The following PRMT8 variants were observed in gnomAD, a reference collection of about 807,000 sequenced individuals.
PRMT8 encodes the protein protein arginine methyltransferase 8.
A neutral mutation model predicts 47.1 loss-of-function variants in PRMT8; 7 were observed. That is an observed-to-expected ratio of 0.15 (90% CI 0.08 to 0.28). PRMT8 has a LOEUF of 0.28. Among genes scored for constraint, PRMT8 ranks in the 10% least tolerant of loss-of-function variants. The pLI is 1.00. For missense variants in PRMT8, 237 were observed against 505.4 expected (o/e 0.47, Z 5.09); for synonymous variants, 188 against 186.5 (o/e 1.01, Z -0.07).
intron 1 of PRMT8, among the ~76,000 whole-genome samples, chr12:3,533,888 AG>A (rs1866074367): frequency 6.6e-6 from 1 of 152,258 alleles, no homozygotes; most frequent in Non-Finnish European, 1.5e-5. Context: ...ATCTAAAGGC[AG>A]GCAGATGGTT....
intron 8 of PRMT8, among the ~76,000 whole-genome samples, chr12:3,587,199 T>G (rs1029454883): frequency 6.7e-6 from 1 of 148,242 alleles, no homozygotes; most frequent in Non-Finnish European, 1.5e-5. Context: ...TTATATTATA[T>G]ATTAATATAA....
At chr12:3,437,357 T>C (rs1004402874) in intron 1 of PRMT8, among the ~76,000 whole-genome samples, 21 of 152,082 alleles carry the variant, frequency 1.4e-4, no homozygotes, top group Non-Finnish European at 2.5e-4. Flanking sequence ...GTTTTATATA[T>C]TTTATTTTAT....
At chr12:3,528,538 T>A (rs1865978749) in intron 1 of PRMT8, among the ~76,000 whole-genome samples, 1 of 152,184 alleles carries the variant, frequency 6.6e-6, no homozygotes, top group South Asian at 2.1e-4. Flanking sequence ...CTTAACATGC[T>A]CAATCTTTCC....
rs138015342 is a variant in PRMT8 at position 3,387,450 on chromosome 12, C to G, written c.48+6008C>G. Among the ~76,000 whole-genome samples the G allele has an allele frequency of 2.0e-3, 311 of 152,316 alleles. 2 individuals are homozygous for G. Among genetic ancestry groups the G allele is most frequent in the African/African-American group, 7.2e-3 (298 of 41,566 alleles). On this transcript the variant is annotated intron_variant, in intron 1 of 9. Transcript: ENST00000452611. ...TTTTCTTGGTATTTCACATATGGCT[C>G]TGATGTCTCCCTGCTTTGTAGATGG... is the stretch of plus-strand genomic sequence containing the variant.
chr12:3,568,612 G>T, intron 4 of PRMT8, 94 bp from the exon 5 acceptor site: 1 of 1,416,664 alleles, frequency 7.1e-7, no homozygotes, highest in Non-Finnish European at 9.8e-7. Flanking sequence ...ATCAGAATAG[G>T]GCTGAAACCT....
rs904422382 is a variant in PRMT8 at position 3,514,481 on chromosome 12, T to A, written c.75+22781T>A. Among the ~76,000 whole-genome samples, 24 of 152,194 alleles carry A rather than the reference T, an allele frequency of 1.6e-4. No individual in the cohort carries two copies. The highest frequency in any genetic ancestry group is 5.8e-4 in the African/African-American group (24 of 41,446). ...TCTCCAAATCCATCCGTACTTCCAC[T>A]GAAGATGTCCAATATAAGCGGGTCA... On this transcript the variant is annotated intron_variant, in intron 1 of 9. Transcript: ENST00000382622. This position sits in a 1 kb window ranked among gnomAD's most constrained non-coding sequence, Gnocchi z 5.9.
Position 3,570,206 on chromosome 12 carries a change from A to G in PRMT8, c.712+642A>G, listed in dbSNP as rs1046142796. The stretch of plus-strand genomic sequence containing the variant: ...AGGCGTGTGTGGTTCTCTGAGAACA[A>G]TAAAGCCAAAAAACTTCTCCTCCCC... On this transcript the variant is annotated intron_variant, in intron 6 of 9. Coordinates refer to ENST00000382622, the MANE Select transcript of PRMT8 (RefSeq NM_019854.5). The surrounding 1 kb of genome is among the most constrained non-coding windows in gnomAD (Gnocchi z 5.5). Among the ~76,000 whole-genome samples, 1 of 152,184 alleles carries G rather than the reference A, an allele frequency of 6.6e-6. No individual in the cohort carries two copies. Among genetic ancestry groups the G allele is most frequent in the Non-Finnish European group, 1.5e-5 (1 of 68,028 alleles).
At position 3,535,000 on chromosome 12, in the gene PRMT8, G is replaced by C. The variant is rs139271218; in HGVS notation, c.76-5606G>C. Among the ~76,000 whole-genome samples, 470 of 152,350 alleles carry C rather than the reference G, an allele frequency of 3.1e-3. 2 individuals carry two copies. Among genetic ancestry groups the C allele is most frequent in the African/African-American group, 0.011 (453 of 41,580 alleles). ...GGTGTCTATCTATAAAGTGCTTGGC[G>C]CAGCGCCTGGGGCGCAGTGGGCCCT... On this transcript the variant is annotated intron_variant, in intron 1 of 9. Transcript: ENST00000382622.
chr12:3,408,172 T>TTTCC (rs545298976), intron 1 of PRMT8, among the ~76,000 whole-genome samples: 36 of 151,216 alleles, frequency 2.4e-4, no homozygotes, highest in Non-Finnish European at 3.4e-4. Context: ...TCTTTCTTTC[T>TTTCC]TTCCTTCCTT....
intron 1 of PRMT8, among the ~76,000 whole-genome samples, chr12:3,411,455 C>T (rs1864428789): frequency 6.6e-6 from 1 of 152,176 alleles, no homozygotes; most frequent in African/African-American, 2.4e-5. Flanking sequence ...TCAGCCCCAA[C>T]CTAGCCAGTA....
chr12:3,437,114 C>T (rs1864751980), intron 1 of PRMT8, among the ~76,000 whole-genome samples: 1 of 152,148 alleles, frequency 6.6e-6, no homozygotes, highest in Non-Finnish European at 1.5e-5. Context: ...CTGGGGTATC[C>T]AACACTGAGT....
chr12:3,568,002 G>C (rs930449276), intron 4 of PRMT8, among the ~76,000 whole-genome samples: 10 of 151,804 alleles, frequency 6.6e-5, no homozygotes, highest in African/African-American at 1.9e-4. Context: ...AACCTGGGAG[G>C]CGGAGGTTGT....
In PRMT8 at chr12:3,395,545, G is replaced by T. The variant is rs1196128740; in HGVS notation, c.48+14103G>T. ...TTTTGAGCGAGATTCTTAATCCTGAGTTCTAGTTTGATTGCACTGTGGTCT... is the reference window on the plus strand; with the variant it reads ...TTTTGAGCGAGATTCTTAATCCTGATTTCTAGTTTGATTGCACTGTGGTCT... On this transcript the variant is annotated intron_variant, in intron 1 of 9. Coordinates refer to the PRMT8 transcript ENST00000452611. Among the ~76,000 whole-genome samples, 22 of 152,034 alleles carry T rather than the reference G, an allele frequency of 1.4e-4. 1 individual carries two copies. The highest frequency in any genetic ancestry group is 1.9e-4 in the Non-Finnish European group (13 of 67,890).
At chr12:3,415,860 T>A (rs1051259396) in intron 1 of PRMT8, among the ~76,000 whole-genome samples, 5 of 152,192 alleles carry the variant, frequency 3.3e-5, no homozygotes, top group Admixed American at 6.5e-5. Flanking sequence ...GTCTCCTGAT[T>A]CCCAGGCCAG....
At chr12:3,395,165 C>T (rs990706621) in intron 1 of PRMT8, among the ~76,000 whole-genome samples, 65 of 150,112 alleles carry the variant, frequency 4.3e-4, no homozygotes, top group Non-Finnish European at 8.3e-4. Flanking sequence ...AAAACCAGCT[C>T]CTGGATTCAT....
intron 1 of PRMT8, among the ~76,000 whole-genome samples, chr12:3,382,072 T>C (rs1401642891): frequency 1.3e-5 from 2 of 152,250 alleles, no homozygotes; most frequent in Admixed American, 1.3e-4. Flanking sequence ...TTCCTTTTGT[T>C]TAACTGTTGA....
chr12:3,433,938 T>C (rs537737131), intron 1 of PRMT8, among the ~76,000 whole-genome samples: 7 of 152,254 alleles, frequency 4.6e-5, no homozygotes, highest in African/African-American at 1.7e-4. Flanking sequence ...TCATGTTGCA[T>C]GAAAAAGTGA....
In PRMT8 at chr12:3,592,231, C is replaced by G; in HGVS notation, c.980C>G (p.Ala327Gly). The change falls in exon 9 of 10, where the codon GCC (alanine) becomes GGC (glycine). Residue 327 changes from alanine (A) to glycine (G), a missense_variant and splice_region_variant. Around this residue, in one of 5 missense-constraint regions of PRMT8, gnomAD observed 151 missense variants for 341.1 expected, o/e 0.44. Transcript: ENST00000382622. The stretch of plus-strand genomic sequence containing the variant: ...CCTCCCCTGTTCTCTCACCCCTCAG[C>G]CCCTGATGCTCCCTACACCCACTGG... ...KCHKKMGFST[A>G]PDAPYTHWKQ... The G allele has an allele frequency of 6.4e-6, 10 of 1,564,886 alleles. No individual in the cohort carries two copies. The highest frequency in any genetic ancestry group is 5.2e-6 in the Non-Finnish European group (6 of 1,161,388).
intron 1 of PRMT8, among the ~76,000 whole-genome samples, chr12:3,421,147 T>C (rs1308056496): frequency 6.6e-6 from 1 of 152,236 alleles, no homozygotes; most frequent in Non-Finnish European, 1.5e-5. Context: ...TAATTGTTTT[T>C]TTAAAATGAG....
Sources: gnomAD v4.1 joint callset for allele counts (sites outside exome capture counted in the v4.1 genomes callset) on GRCh38, gnomAD v4.1.1 for gene constraint, gnomAD v4.1.1 regional missense constraint, Gnocchi (gnomAD v3.1) non-coding constraint, MANE v1.5 for transcripts, NCBI Gene and HGNC (gene_info 2026-07-23, HGNC 2026-07-21) for gene names.